Variants in DYNC2H1 observed in about 807,000 individuals in gnomAD.
DYNC2H1 encodes cytoplasmic dynein 2 heavy chain 1.
DYNC2H1 carries 410 observed loss-of-function variants against 570.0 expected under a neutral mutation model. The ratio of observed to expected loss-of-function variants is 0.72; its 90% CI spans 0.66 to 0.78. The LOEUF (loss-of-function observed/expected upper bound fraction) is 0.78, where lower values mean the gene tolerates loss of function less well. Among genes scored for constraint, DYNC2H1 ranks in the 30% least tolerant of loss-of-function variants. The pLI is 0.00. For missense variants in DYNC2H1, 4,865 were observed against 5,046.4 expected, an observed-to-expected ratio of 0.96 and a Z score of 1.09; for synonymous variants, 1,688 against 1,677.6, an observed-to-expected ratio of 1.01 and a Z score of -0.15.
rs576926046 is a variant in DYNC2H1 at position 103,377,748 on chromosome 11, G to A, written c.12156+19389G>A. ...TTTACATTTACATAGGGTGAATATTGCTTCTTTTGAGACAGTCTCGCTCTG... is the reference window on the plus strand; with the variant it reads ...TTTACATTTACATAGGGTGAATATTACTTCTTTTGAGACAGTCTCGCTCTG... On this transcript the variant is annotated intron_variant, in intron 83 of 88. Transcript: ENST00000375735. 2.0e-5 allele frequency among the ~76,000 whole-genome samples: 3 copies of A among 151,550 alleles called. No individual in the cohort carries two copies. The South Asian group carries it at 6.2e-4, about 31-fold the overall frequency.
At chr11:103,378,708 T>C (rs2135573324) in intron 83 of DYNC2H1, among the ~76,000 whole-genome samples, 1 of 152,370 alleles carries the variant, frequency 6.6e-6, no homozygotes, top group South Asian at 2.1e-4. Context: ...TAAACATTTC[T>C]GAGGATTTTT....
Position 103,143,304 on chromosome 11 carries a change from C to G in DYNC2H1, c.2611C>G (p.Leu871Val). 1 of 1,613,284 alleles carries G rather than the reference C, an allele frequency of 6.2e-7. No individual in the cohort carries two copies. The highest frequency in any genetic ancestry group is 8.5e-7 in the Non-Finnish European group (1 of 1,179,624). Reference protein sequence around the residue: ...IVIGQVDMEALVEKHLFTVHD... With the variant: ...IVIGQVDMEAVVEKHLFTVHD... ...AATTGGGCAAGTTGATATGGAAGCT[C>G]TGGTGGAAAAGCATCTTTTTACTGT... Residue 871 changes from leucine to valine, a missense_variant, in exon 18 of 89, where the codon CTG becomes GTG. Physicochemically the swap from Leu to Val is conservative, Grantham distance 32. Around this residue, in one of 5 missense-constraint regions of DYNC2H1, gnomAD observed 1,936 missense variants for 1,962.1 expected, o/e 0.99. Coordinates refer to ENST00000375735, the MANE Select transcript of DYNC2H1 (RefSeq NM_001377.3).
intron 84 of DYNC2H1, among the ~76,000 whole-genome samples, chr11:103,411,594 G>A (rs146137184): frequency 1.3e-3 from 193 of 151,344 alleles, no homozygotes; most frequent in African/African-American, 4.5e-3. Flanking sequence ...AATATAATGT[G>A]GCTTAGATTA....
At chr11:103,303,710 C>G (rs1337920973) in intron 76 of DYNC2H1, among the ~76,000 whole-genome samples, 2 of 151,986 alleles carry the variant, frequency 1.3e-5, no homozygotes, top group African/African-American at 4.8e-5. Flanking sequence ...GAACATAGCC[C>G]TATAGTAGTA....
At chr11:103,367,618 A>C (rs975342784) in intron 83 of DYNC2H1, among the ~76,000 whole-genome samples, 5 of 152,144 alleles carry the variant, frequency 3.3e-5, no homozygotes, top group Non-Finnish European at 5.9e-5. Context: ...CCTCTCTTCT[A>C]GCTATTTTGT....
chr11:103,240,311 A>G (rs758926601), intron 63 of DYNC2H1, among the ~76,000 whole-genome samples: 1 of 152,148 alleles, frequency 6.6e-6, no homozygotes. Flanking sequence ...CCTCTGCACC[A>G]TAGATAATAT....
chr11:103,295,448 G>A (rs1454667143), intron 75 of DYNC2H1, among the ~76,000 whole-genome samples: 1 of 152,180 alleles, frequency 6.6e-6, no homozygotes, highest in Non-Finnish European at 1.5e-5. Flanking sequence ...AATGTTCTCT[G>A]GAGACTCTCC....
At chr11:103,366,601 A>G (rs1292422231) in intron 83 of DYNC2H1, among the ~76,000 whole-genome samples, 2 of 152,176 alleles carry the variant, frequency 1.3e-5, no homozygotes, top group Non-Finnish European at 2.9e-5. Context: ...AGCATGGAGC[A>G]TGGAACTTCA....
chr11:103,395,600 C>G lies in DYNC2H1; in HGVS notation c.12157-4063C>G, dbSNP rs1488303575. Reference sequence around the variant, plus strand: ...AGCTATTCTCTAATTTATGATCCCTCAGGTTCAAGTCTAGTAGAAAGAAAC... The same window carrying G: ...AGCTATTCTCTAATTTATGATCCCTGAGGTTCAAGTCTAGTAGAAAGAAAC... On this transcript the variant is annotated intron_variant, in intron 83 of 88. Transcript: ENST00000375735. The surrounding 1 kb of genome is among the most constrained non-coding windows in gnomAD (Gnocchi z 4.3). Among the ~76,000 whole-genome samples, 1 of 152,052 alleles carries G rather than the reference C, an allele frequency of 6.6e-6. No homozygotes were observed. Among genetic ancestry groups the G allele is most frequent in the African/African-American group, 2.4e-5 (1 of 41,400 alleles).
At chr11:103,436,221 G>C (rs1184884493) in intron 85 of DYNC2H1, among the ~76,000 whole-genome samples, 189 bp downstream of exon 85, 1 of 145,302 alleles carries the variant, frequency 6.9e-6, no homozygotes, top group Non-Finnish European at 1.5e-5. Flanking sequence ...TTTACAAAAT[G>C]TGCTTTCTGC....
rs1399168266 is a variant in DYNC2H1, at chr11:103,203,953, A to T, written c.8311+177A>T. On this transcript the variant is annotated intron_variant, in intron 51 of 88. Coordinates refer to ENST00000375735, the MANE Select transcript of DYNC2H1 (RefSeq NM_001377.3). The surrounding 1 kb of genome is among the most constrained non-coding windows in gnomAD (Gnocchi z 4.7). ...AACCTATAATAAAAACACCTGTATT[A>T]GTCTGTTTTTCCACTACTGATAAAG... Among the ~76,000 whole-genome samples the T allele has an allele frequency of 6.6e-6, 1 of 152,136 alleles. No individual in the cohort carries two copies. Among genetic ancestry groups the T allele is most frequent in the Non-Finnish European group, 1.5e-5 (1 of 68,020 alleles).
chr11:103,376,180 A>G (rs2566946), intron 83 of DYNC2H1, among the ~76,000 whole-genome samples: 102,458 of 152,042 alleles, frequency 0.67, 34,613 homozygotes, highest in Admixed American at 0.73. Context: ...ATGATTGTAA[A>G]TTTCCTGAGG....
chr11:103,364,524 A>G (rs1187532045), intron 83 of DYNC2H1, among the ~76,000 whole-genome samples: 1 of 151,850 alleles, frequency 6.6e-6, no homozygotes, highest in Non-Finnish European at 1.5e-5. Flanking sequence ...GGTTCTTGGT[A>G]TAATGAATAA....
Position 103,156,627 on chromosome 11 carries a change from G to A in DYNC2H1, c.3984G>A (p.Trp1328Ter), listed in dbSNP as rs1448805941. Residue 1328 changes from tryptophan (W) to a stop codon, truncating the protein, a stop_gained, in exon 26 of 89, where the codon TGG becomes TGA. Transcript: ENST00000375735. LOFTEE classifies it high-confidence loss of function. ...YKGFEDKVSI[W>*]ERKLAELDEY... is the part of the protein sequence containing the mutation. ...GATTTGAAGATAAAGTATCAATTTG[G>A]GAAAGAAAACTTGCAGAGTTAGATG... 1 of 1,613,216 alleles carries A rather than the reference G, an allele frequency of 6.2e-7. No individual in the cohort carries two copies. The highest frequency in any genetic ancestry group is 1.3e-5 in the African/African-American group (1 of 74,838).
intron 70 of DYNC2H1, among the ~76,000 whole-genome samples, chr11:103,278,815 C>T (rs1185953316): frequency 6.6e-6 from 1 of 152,056 alleles, no homozygotes; most frequent in Non-Finnish European, 1.5e-5. Context: ...GATCCGCCTG[C>T]CTTGGCCTCC....
intron 85 of DYNC2H1, 135 bp downstream of exon 85, chr11:103,436,167 C>T (rs948956295): frequency 1.0e-5 from 7 of 687,758 alleles, no homozygotes; most frequent in African/African-American, 3.7e-5. Flanking sequence ...CATTATTCTG[C>T]CATTTGTTAT....
chr11:103,258,641 C>T (rs1222778216), intron 69 of DYNC2H1, among the ~76,000 whole-genome samples: 1 of 152,190 alleles, frequency 6.6e-6, no homozygotes, highest in Admixed American at 6.5e-5. Flanking sequence ...TTTCACAGCA[C>T]TGAGTAGATG....
At position 103,198,859 on chromosome 11, in the gene DYNC2H1, T is replaced by C. The variant is rs145871825; in HGVS notation, c.7840-369T>C. ...AAAGATTTTTTAGGCACTAGATTTC[T>C]AGAGTTTGGGGATTTTTTTCATGGT... is the stretch of plus-strand genomic sequence containing the variant. On this transcript the variant is annotated intron_variant, in intron 48 of 88. Coordinates refer to ENST00000375735, the MANE Select transcript of DYNC2H1 (RefSeq NM_001377.3). Among the ~76,000 whole-genome samples the C allele has an allele frequency of 1.5e-3, 234 of 152,292 alleles. 2 individuals are homozygous for C. The highest frequency in any genetic ancestry group is 5.5e-3 in the African/African-American group (228 of 41,572).
chr11:103,312,059 A>C (rs1441426941), intron 79 of DYNC2H1, 26 bp downstream of exon 79: 1 of 1,580,864 alleles, frequency 6.3e-7, no homozygotes, highest in African/African-American at 1.4e-5. Flanking sequence ...TCTTGAATAC[A>C]TTCTAAGCTT....
Sources: allele counts gnomAD v4.1 joint callset (sites outside exome capture counted in the v4.1 genomes callset), GRCh38; gene constraint gnomAD v4.1.1; regional missense constraint gnomAD v4.1.1; non-coding constraint Gnocchi (gnomAD v3.1); transcripts MANE v1.5; gene names NCBI Gene and HGNC (gene_info 2026-07-23, HGNC 2026-07-21).